The following ARHGEF17 variants were observed in gnomAD, a reference collection of about 807,000 sequenced individuals.
ARHGEF17 encodes 164 kDa Rho-specific guanine-nucleotide exchange factor.
ARHGEF17 carries 80 observed loss-of-function variants against 174.0 expected under a neutral mutation model. The observed-to-expected ratio is 0.46, with a 90% confidence interval of 0.38 to 0.55. ARHGEF17 has a LOEUF of 0.55. ARHGEF17 is among the 20% of genes least tolerant of loss of function. The pLI is 0.00. For synonymous variants in ARHGEF17, 1,311 were observed against 1,189.1 expected (o/e 1.10, Z -2.11); for missense variants, 2,886 against 2,839.7 (o/e 1.02, Z -0.37).
chr11:73,356,276 G>A lies in ARHGEF17; in HGVS notation c.3765G>A (p.Val1255=), dbSNP rs1261808311. 1.2e-6 allele frequency: 2 copies of A among 1,613,702 alleles called. No individual in the cohort carries two copies. Among genetic ancestry groups the A allele is most frequent in the Admixed American group, 1.7e-5 (1 of 60,006 alleles). ...TGGCTGAGCGCATCAACAAGGGTGT[G>A]CGGAGTGCCGAGGAGGCGGAGCGCC... The part of the protein sequence containing the change: ...KQVAERINKG[V]RSAEEAERHA... Residue 1255 remains valine (V), a synonymous_variant, in exon 6 of 21, where the codon GTG becomes GTA. Coordinates refer to ENST00000263674, the MANE Select transcript of ARHGEF17 (RefSeq NM_014786.4).
At chr11:73,321,984 A>T (rs1425582542) in intron 1 of ARHGEF17, among the ~76,000 whole-genome samples, 1 of 152,114 alleles carries the variant, frequency 6.6e-6, no homozygotes, top group Non-Finnish European at 1.5e-5. Flanking sequence ...GGAAGCGGGG[A>T]GGCAGAGTTC....
In ARHGEF17 at chr11:73,309,526, G is replaced by A. The variant is rs1056516395; in HGVS notation, c.888G>A (p.Arg296=). 2.6e-5 allele frequency: 41 copies of A among 1,581,430 alleles called. No homozygotes were observed. Among genetic ancestry groups the A allele is most frequent in the Non-Finnish European group, 3.4e-5 (39 of 1,158,850 alleles). The change falls in exon 1 of 21, where the codon AGG becomes AGA. Residue 296 remains arginine, a synonymous_variant. Coordinates refer to ENST00000263674, the MANE Select transcript of ARHGEF17 (RefSeq NM_014786.4). Reference sequence around the variant, plus strand: ...GCTGGGGAGGGAGGCCCGGGCTCAGGCCTGGAAGCTCCCTATTGGATCAGG... The same window carrying A: ...GCTGGGGAGGGAGGCCCGGGCTCAGACCTGGAAGCTCCCTATTGGATCAGG... ...GHRWGGRPGL[R]PGSSLLDQDC...
At chr11:73,322,799 C>A (rs1191202374) in intron 1 of ARHGEF17, among the ~76,000 whole-genome samples, 1 of 152,084 alleles carries the variant, frequency 6.6e-6, no homozygotes, top group Non-Finnish European at 1.5e-5. Flanking sequence ...GCTGGGAGCA[C>A]TGCCAGCTTT....
At chr11:73,317,786 C>T (rs117939653) in intron 1 of ARHGEF17, among the ~76,000 whole-genome samples, 2,841 of 152,270 alleles carry the variant, frequency 0.019, 56 homozygotes, top group Non-Finnish European at 0.027. Flanking sequence ...GGAAAACTGT[C>T]AGGCTGCTGG....
chr11:73,308,400 G>C lies in ARHGEF17; in HGVS notation c.-239G>C. The C allele has an allele frequency of 2.5e-6, 1 of 393,454 alleles. No individual in the cohort carries two copies. The highest frequency in any genetic ancestry group is 4.5e-6 in the Non-Finnish European group (1 of 223,178). The allele number at this position is 393,454 out of a possible 1,614,324, so 24.4% of individuals were successfully genotyped here. On this transcript the variant is annotated 5_prime_UTR_variant, in exon 1 of 21. Transcript: ENST00000263674. ...CCTGGTCGCTCCAGCCGCGGCGGGG[G>C]CTGGGCCTGGGGGTCGGCGCTGAGG...
At chr11:73,325,369 G>C (rs1364206762) in intron 1 of ARHGEF17, among the ~76,000 whole-genome samples, 2 of 152,144 alleles carry the variant, frequency 1.3e-5, no homozygotes, top group Non-Finnish European at 2.9e-5. Context: ...TTTCGTTCCA[G>C]GGCTGGGCCC....
intron 1 of ARHGEF17, among the ~76,000 whole-genome samples, chr11:73,322,454 C>T (rs573184678): frequency 1.3e-5 from 2 of 152,358 alleles, no homozygotes; most frequent in African/African-American, 4.8e-5. Context: ...TTGCCCAAGG[C>T]CACACAGTAG....
intron 1 of ARHGEF17, among the ~76,000 whole-genome samples, chr11:73,329,927 C>T (rs1865178832): frequency 2.0e-5 from 3 of 152,146 alleles, no homozygotes; most frequent in African/African-American, 4.8e-5. Context: ...GTTAGAGGCC[C>T]ATTTCCCCAC....
chr11:73,344,105 G>A (rs977035738), intron 1 of ARHGEF17, among the ~76,000 whole-genome samples: 3 of 152,160 alleles, frequency 2.0e-5, no homozygotes, highest in Non-Finnish European at 2.9e-5. Context: ...CTCAGTGCCC[G>A]GTGTAGCGAA....
intron 3 of ARHGEF17, among the ~76,000 whole-genome samples, chr11:73,355,248 G>T (rs1865617041): frequency 6.6e-6 from 1 of 152,238 alleles, no homozygotes; most frequent in Non-Finnish European, 1.5e-5. Flanking sequence ...TTGGAAGTGA[G>T]AGAACCAGGT....
At chr11:73,337,112 G>A (rs1865297791) in intron 1 of ARHGEF17, among the ~76,000 whole-genome samples, 1 of 152,220 alleles carries the variant, frequency 6.6e-6, no homozygotes, top group Admixed American at 6.5e-5. Flanking sequence ...TCTGTGGGAA[G>A]AGTCAATACC....
At position 73,311,402 on chromosome 11, in the gene ARHGEF17, T is replaced by C; in HGVS notation, c.2764T>C (p.Ser922Pro). 3 of 1,613,204 alleles carry C rather than the reference T, an allele frequency of 1.9e-6. No homozygotes were observed. The highest frequency in any genetic ancestry group is 2.5e-6 in the Non-Finnish European group (3 of 1,180,020). The change falls in exon 1 of 21, where the codon TCC (serine) becomes CCC (proline). Residue 922 changes from serine to proline, a missense_variant. Ser to Pro is a moderately conservative substitution (Grantham distance 74). Coordinates refer to ENST00000263674, the MANE Select transcript of ARHGEF17 (RefSeq NM_014786.4). Reference sequence around the variant, plus strand: ...GTCCCCGAGGCTAATCCGCCGAGGCTCCAAGAAGCGCCCAGCTCGGAGTAG... The same window carrying C: ...GTCCCCGAGGCTAATCCGCCGAGGCCCCAAGAAGCGCCCAGCTCGGAGTAG... ...ILSPRLIRRG[S>P]KKRPARSSHQ...
Position 73,310,844 on chromosome 11 carries a change from G to A in ARHGEF17, c.2206G>A (p.Asp736Asn). The part of the protein sequence containing the change: ...EAGEAYRSLS[D>N]PIPQRHRAAT... ...AGGGGAGGCCTACAGGTCCCTGAGT[G>A]ACCCAATTCCTCAGCGCCACCGGGC... The change falls in exon 1 of 21, where the codon GAC (aspartate) becomes AAC (asparagine). Residue 736 changes from aspartate to asparagine, a missense_variant. Coordinates refer to ENST00000263674, the MANE Select transcript of ARHGEF17 (RefSeq NM_014786.4). 6.2e-7 allele frequency: 1 copy of A among 1,611,908 alleles called. No individual in the cohort carries two copies. Among genetic ancestry groups the A allele is most frequent in the Middle Eastern group, 1.7e-4 (1 of 6,058 alleles).
Position 73,310,995 on chromosome 11 carries a change from G to C in ARHGEF17, c.2357G>C (p.Trp786Ser). 1 of 1,614,178 alleles carries C rather than the reference G, an allele frequency of 6.2e-7. No individual in the cohort carries two copies. Among genetic ancestry groups the C allele is most frequent in the Non-Finnish European group, 8.5e-7 (1 of 1,180,018 alleles). Residue 786 changes from tryptophan to serine, a missense_variant, in exon 1 of 21, where the codon TGG becomes TCG. Around this residue, in one of 4 missense-constraint regions of ARHGEF17, gnomAD observed 1,728 missense variants for 1,461.2 expected, o/e 1.18. Coordinates refer to ENST00000263674, the MANE Select transcript of ARHGEF17 (RefSeq NM_014786.4). ...GGCTTGACCAGTGGTCACAGTGACT[G>C]GTCTGTGGGCAGTGAAGAGAGCAAG... ...DEGLTSGHSDWSVGSEESKGY... is the reference protein window; with the variant it reads ...DEGLTSGHSDSSVGSEESKGY...
chr11:73,350,187 A>T (rs7107905), intron 2 of ARHGEF17, among the ~76,000 whole-genome samples: 36,159 of 152,190 alleles, frequency 0.24, 7,290 homozygotes, highest in African/African-American at 0.56. Context: ...TATATTCTTT[A>T]TACAAAGAAA....
intron 1 of ARHGEF17, among the ~76,000 whole-genome samples, chr11:73,319,135 C>T (rs1176944213): frequency 6.6e-6 from 1 of 150,808 alleles, no homozygotes; most frequent in East Asian, 1.9e-4. Context: ...ACGATCTCAG[C>T]TCACTGCAAC....
chr11:73,349,731 C>G (rs1357251979), intron 2 of ARHGEF17, among the ~76,000 whole-genome samples: 1 of 152,260 alleles, frequency 6.6e-6, no homozygotes, highest in Non-Finnish European at 1.5e-5. Flanking sequence ...GCATGTCTTT[C>G]TACCTCCGCC....
intron 2 of ARHGEF17, 109 bp downstream of exon 2, chr11:73,347,069 C>T (rs1221089185): frequency 1.8e-5 from 20 of 1,097,066 alleles, no homozygotes; most frequent in Non-Finnish European, 2.6e-5. Flanking sequence ...GCCAGAGAGC[C>T]GTGTCCCTGG....
At position 73,311,604 on chromosome 11, in the gene ARHGEF17, G is replaced by T; in HGVS notation, c.2966G>T (p.Gly989Val). ...GPPVAVPEPI[G>V]FPTRAHPTLQ... ...CCTGTGGCTGTGCCAGAACCCATAGGCTTCCCTACCCGAGCCCATCCCACG... is the reference window on the plus strand; with the variant it reads ...CCTGTGGCTGTGCCAGAACCCATAGTCTTCCCTACCCGAGCCCATCCCACG... The change falls in exon 1 of 21, where the codon GGC (glycine) becomes GTC (valine). Residue 989 changes from glycine to valine, a missense_variant. Physicochemically the swap from Gly to Val is moderately radical, Grantham distance 109. Coordinates refer to ENST00000263674, the MANE Select transcript of ARHGEF17 (RefSeq NM_014786.4). The T allele has an allele frequency of 6.2e-7, 1 of 1,613,382 alleles. No homozygotes were observed. Among genetic ancestry groups the T allele is most frequent in the Non-Finnish European group, 8.5e-7 (1 of 1,179,944 alleles).
Sources: allele counts gnomAD v4.1 joint callset (sites outside exome capture counted in the v4.1 genomes callset), GRCh38; gene constraint gnomAD v4.1.1; regional missense constraint gnomAD v4.1.1; transcripts MANE v1.5; gene names NCBI Gene and HGNC (gene_info 2026-07-23, HGNC 2026-07-21).